CCDC192: variants seen among roughly 807,000 people sequenced by gnomAD.
CCDC192 encodes the protein coiled-coil domain-containing protein 192.
rs540224237 is a variant in CCDC192 at position 127,740,799 on chromosome 5, A to G, written c.115-13469A>G. Among the ~76,000 whole-genome samples, 5 of 152,242 alleles carry G rather than the reference A, an allele frequency of 3.3e-5. No homozygotes were observed. The South Asian group carries it at 8.3e-4, about 25-fold the overall frequency. On this transcript the variant is annotated intron_variant, in intron 2 of 6. Transcript: ENST00000514853. ...GAAATGTCATCAATTCTATCACTTT[A>G]CTCATGAGCTGACTTGAAAGTCCTA...
At chr5:127,706,319 G>A (rs781035968) in intron 1 of CCDC192, among the ~76,000 whole-genome samples, 1 of 152,036 alleles carries the variant, frequency 6.6e-6, no homozygotes, top group African/African-American at 2.4e-5. Flanking sequence ...ATGAGGTTAA[G>A]AGATCGAGAC....
chr5:127,727,464 C>T (rs1165235123), intron 2 of CCDC192, among the ~76,000 whole-genome samples: 1 of 151,106 alleles, frequency 6.6e-6, no homozygotes, highest in East Asian at 2.0e-4. Flanking sequence ...AAGAGAGAAA[C>T]TCCATCTAAA....
At chr5:127,905,654 A>T (rs1412695348) in intron 6 of CCDC192, among the ~76,000 whole-genome samples, 1 of 152,230 alleles carries the variant, frequency 6.6e-6, no homozygotes, top group Admixed American at 6.5e-5. Context: ...AAAAGGTGTG[A>T]CTGACATGAA....
chr5:127,752,744 G>C (rs991934175), intron 2 of CCDC192, among the ~76,000 whole-genome samples: 1 of 152,214 alleles, frequency 6.6e-6, no homozygotes, highest in Non-Finnish European at 1.5e-5. Context: ...ATCTCAGACT[G>C]CTGTGCTAGC....
intron 5 of CCDC192, among the ~76,000 whole-genome samples, chr5:127,800,519 A>G (rs115816818): frequency 0.011 from 1,640 of 152,130 alleles, 34 homozygotes; most frequent in African/African-American, 0.038. Flanking sequence ...TCATTTTTCC[A>G]AAAGAGTTTG....
intron 2 of CCDC192, among the ~76,000 whole-genome samples, chr5:127,739,385 TTGTC>T (rs1432952548): frequency 1.3e-5 from 2 of 152,100 alleles, no homozygotes; most frequent in Non-Finnish European, 2.9e-5. Flanking sequence ...GTCTTTTTGT[TTGTC>T]TGTGCCCTGC....
chr5:127,722,540 A>G (rs903293465), intron 2 of CCDC192, among the ~76,000 whole-genome samples: 1 of 152,152 alleles, frequency 6.6e-6, no homozygotes, highest in Non-Finnish European at 1.5e-5. Flanking sequence ...TGCCCAGAAC[A>G]ATGTCCTGGA....
At chr5:127,718,817 G>T (rs879383580) in intron 2 of CCDC192, among the ~76,000 whole-genome samples, 2 of 152,078 alleles carry the variant, frequency 1.3e-5, no homozygotes, top group Non-Finnish European at 2.9e-5. Context: ...GAAATATTTT[G>T]ATACAGGCAT....
At chr5:127,710,101 T>G (rs181341353) in intron 2 of CCDC192, among the ~76,000 whole-genome samples, 456 of 152,340 alleles carry the variant, frequency 3.0e-3, no homozygotes, top group African/African-American at 0.011. Context: ...TCCCTGGGGC[T>G]TGAAGGAACT....
At chr5:127,859,103 T>C (rs1404885635) in intron 5 of CCDC192, among the ~76,000 whole-genome samples, 1 of 152,194 alleles carries the variant, frequency 6.6e-6, no homozygotes, top group East Asian at 1.9e-4. Flanking sequence ...GCCTTTTTCC[T>C]TACTGTGAAG....
At chr5:127,714,003 C>G (rs556414910) in intron 2 of CCDC192, among the ~76,000 whole-genome samples, 5 of 152,160 alleles carry the variant, frequency 3.3e-5, no homozygotes, top group Non-Finnish European at 7.4e-5. Flanking sequence ...TCTCCCTAAT[C>G]TTCTTCAGCC....
Position 127,935,936 on chromosome 5 carries a change from C to G in CCDC192, c.536-5246C>G, listed in dbSNP as rs1754174371. 2.0e-5 allele frequency among the ~76,000 whole-genome samples: 3 copies of G among 152,080 alleles called. 1 individual carries two copies. Among genetic ancestry groups the G allele is most frequent in the Admixed American group, 2.0e-4 (3 of 15,278 alleles). ...CCTGGTCAACATGGAGAAATCCCGT[C>G]TCTACTAAAAATACAAAATTATCCG... On this transcript the variant is annotated intron_variant, in intron 6 of 6. Coordinates refer to ENST00000514853, the MANE Select transcript of CCDC192 (RefSeq NM_001317938.2).
At chr5:127,936,224 T>C (rs1754182815) in intron 6 of CCDC192, among the ~76,000 whole-genome samples, 1 of 152,262 alleles carries the variant, frequency 6.6e-6, no homozygotes, top group South Asian at 2.1e-4. Flanking sequence ...TCTTTTAAGG[T>C]ACTCCTTCAA....
chr5:127,821,490 A>T (rs1749286542), intron 5 of CCDC192, among the ~76,000 whole-genome samples: 2 of 152,346 alleles, frequency 1.3e-5, no homozygotes, highest in African/African-American at 4.8e-5. Context: ...TAAGGATCCC[A>T]TGAGTCCCTT....
At chr5:127,912,687 G>A (rs1464623567) in intron 6 of CCDC192, among the ~76,000 whole-genome samples, 1 of 152,156 alleles carries the variant, frequency 6.6e-6, no homozygotes, top group Admixed American at 6.5e-5. Flanking sequence ...GATTACCTGG[G>A]GAGGAGGAAC....
chr5:127,784,508 G>A (rs557963599), intron 3 of CCDC192: 1 of 349,478 alleles, frequency 2.9e-6, no homozygotes, highest in African/African-American at 2.2e-5. Flanking sequence ...CTTTAAAAAG[G>A]GAGGTACAAT....
At chr5:127,726,858 A>G (rs556164826) in intron 2 of CCDC192, among the ~76,000 whole-genome samples, 1 of 152,258 alleles carries the variant, frequency 6.6e-6, no homozygotes, top group South Asian at 2.1e-4. Context: ...GAGGAGTGGG[A>G]TTCCTCCCAC....
At chr5:127,882,626 A>G (rs946715806) in intron 6 of CCDC192, among the ~76,000 whole-genome samples, 4 of 152,228 alleles carry the variant, frequency 2.6e-5, no homozygotes, top group East Asian at 1.9e-4. Flanking sequence ...CTTTATCTCC[A>G]TTAGAAAATA....
chr5:127,839,855 C>T (rs879854712), intron 5 of CCDC192, among the ~76,000 whole-genome samples: 1 of 151,844 alleles, frequency 6.6e-6, no homozygotes, highest in African/African-American at 2.4e-5. Flanking sequence ...ACTGCCAATA[C>T]TCCATCTTAA....
Sources: gnomAD v4.1 joint callset for allele counts (sites outside exome capture counted in the v4.1 genomes callset) on GRCh38, gnomAD v4.1.1 for gene constraint, MANE v1.5 for transcripts, NCBI Gene and HGNC (gene_info 2026-07-23, HGNC 2026-07-21) for gene names.